The following RORA variants were observed in gnomAD, a reference collection of about 807,000 sequenced individuals.
RORA encodes RAR related orphan receptor A.
RORA carries 7 observed loss-of-function variants against 69.5 expected under a neutral mutation model. That is an observed-to-expected ratio of 0.10 (90% confidence interval 0.06 to 0.19). RORA has a LOEUF of 0.19. Among genes scored for constraint, RORA ranks in the 10% least tolerant of loss-of-function variants. RORA has a pLI of 1.00. For missense variants in RORA, 457 were observed against 663.0 expected (o/e 0.69, Z 3.41); for synonymous variants, 261 against 240.8 (o/e 1.08, Z -0.78).
chr15:60,552,738 ATCT>A (rs1331318491), intron 2 of RORA, among the ~76,000 whole-genome samples: 3 of 152,230 alleles, frequency 2.0e-5, no homozygotes, highest in African/African-American at 7.2e-5. Context: ...TGGGGCAGGC[ATCT>A]TCTTCTGAAC....
intron 1 of RORA, among the ~76,000 whole-genome samples, chr15:61,179,787 T>C (rs1189370042): frequency 6.6e-6 from 1 of 152,150 alleles, no homozygotes; most frequent in Admixed American, 6.5e-5. Context: ...TGGATAACCA[T>C]CTTCAGGTCC....
intron 3 of RORA, among the ~76,000 whole-genome samples, chr15:60,515,915 TTATATATATATTTA>T (rs1424019902): frequency 1.7e-4 from 13 of 75,806 alleles, no homozygotes; most frequent in African/African-American, 8.5e-4. Context: ...TATATTGTAT[TTATATATATATTTA>T]TATATATATT....
At chr15:60,662,406 G>T (rs946902737) in intron 2 of RORA, among the ~76,000 whole-genome samples, 1 of 152,120 alleles carries the variant, frequency 6.6e-6, no homozygotes, top group South Asian at 2.1e-4. Context: ...AAAGTAACAT[G>T]GAATATGTAT....
At chr15:60,830,526 A>G (rs967411760) in intron 1 of RORA, among the ~76,000 whole-genome samples, 2 of 152,200 alleles carry the variant, frequency 1.3e-5, no homozygotes, top group African/African-American at 4.8e-5. Flanking sequence ...AGGCAGATTT[A>G]TTGTCCTTAA....
rs1227117833 is a variant in RORA, at chr15:60,949,958, G to T, written c.167-271272C>A. Among the ~76,000 whole-genome samples the T allele has an allele frequency of 2.0e-5, 3 of 152,136 alleles. No individual in the cohort carries two copies. The East Asian group carries it at 5.8e-4, about 29-fold the overall frequency. On this transcript the variant is annotated intron_variant, in intron 1 of 10. Transcript: ENST00000335670. ...AGAGTCACTGGACATACTCAAAGAA[G>T]AACTTCCCACTCCAAGACACATAAT...
chr15:60,985,612 G>T (rs1425807821), intron 1 of RORA, among the ~76,000 whole-genome samples: 1 of 133,560 alleles, frequency 7.5e-6, no homozygotes, highest in Non-Finnish European at 1.6e-5. Context: ...TTGAGATGGG[G>T]TCTCACTCTG....
At chr15:61,201,957 A>T (rs1270604878) in intron 1 of RORA, among the ~76,000 whole-genome samples, 1 of 152,142 alleles carries the variant, frequency 6.6e-6, no homozygotes, top group Admixed American at 6.5e-5. Context: ...CTATATATGT[A>T]ATATGATATT....
chr15:60,562,432 G>GC (rs1029165196), intron 2 of RORA, among the ~76,000 whole-genome samples: 29 of 95,624 alleles, frequency 3.0e-4, no homozygotes, highest in Non-Finnish European at 4.2e-4. Context: ...AGGCGGGGTT[G>GC]GGGGGGGGTT....
At chr15:61,020,130 C>A (rs913228135) in intron 1 of RORA, among the ~76,000 whole-genome samples, 1 of 152,202 alleles carries the variant, frequency 6.6e-6, no homozygotes, top group Non-Finnish European at 1.5e-5. Flanking sequence ...CCTTCCAAAT[C>A]CTAATGTGGC....
Position 61,078,329 on chromosome 15 carries a change from CTGTGTGTGTGTGTGTGTG to C in RORA, c.166+150706_166+150723del, listed in dbSNP as rs56676588. Among the ~76,000 whole-genome samples, 10 of 133,254 alleles carry C rather than the reference CTGTGTGTGTGTGTGTGTG, an allele frequency of 7.5e-5. No individual in the cohort carries two copies. In the East Asian group the frequency reaches 1.9e-3, roughly 25 times the overall value. The allele number at this position is 133,254 out of a possible 152,430, so 87.4% of individuals were successfully genotyped here. On this transcript the variant is annotated intron_variant, in intron 1 of 10. Coordinates refer to ENST00000335670, the MANE Select transcript of RORA (RefSeq NM_134261.3). ...CAGGCACGTGCCACCACACCTGGCTCTGTGTGTGTGTGTGTGTGTGTGTGTGTGTGTGTGTGTGTGTGT... is the reference window on the plus strand; with the variant it reads ...CAGGCACGTGCCACCACACCTGGCTCTGTGTGTGTGTGTGTGTGTGTGTGT...
chr15:60,726,040 C>T (rs2071352849), intron 1 of RORA, among the ~76,000 whole-genome samples: 1 of 152,098 alleles, frequency 6.6e-6, no homozygotes, highest in East Asian at 1.9e-4. Flanking sequence ...ATTTACACAC[C>T]TGATTTCACT....
At chr15:60,592,647 G>T (rs1362961865) in intron 2 of RORA, 4 of 1,127,850 alleles carry the variant, frequency 3.5e-6, no homozygotes, top group Admixed American at 5.0e-5. Flanking sequence ...GGCGGGAGGC[G>T]GGAGGCGGGA....
At chr15:61,045,182 G>T (rs8034800) in intron 1 of RORA, among the ~76,000 whole-genome samples, 1 of 152,130 alleles carries the variant, frequency 6.6e-6, no homozygotes, top group African/African-American at 2.4e-5. Flanking sequence ...AATCATGGGG[G>T]TGGGTCTTTC....
At chr15:60,924,058 C>T (rs1372631350) in intron 1 of RORA, among the ~76,000 whole-genome samples, 5 of 152,184 alleles carry the variant, frequency 3.3e-5, no homozygotes, top group African/African-American at 1.2e-4. Flanking sequence ...GAAAACTTCC[C>T]AAGTGGGTGA....
chr15:60,579,546 C>T (rs1206455375), intron 2 of RORA, among the ~76,000 whole-genome samples: 1 of 152,098 alleles, frequency 6.6e-6, no homozygotes, highest in Non-Finnish European at 1.5e-5. Flanking sequence ...ATTTCATCAG[C>T]ATTTTCTCCT....
At chr15:60,835,828 T>C (rs902985238) in intron 1 of RORA, among the ~76,000 whole-genome samples, 2 of 152,256 alleles carry the variant, frequency 1.3e-5, no homozygotes, top group Admixed American at 1.3e-4. Context: ...GTCATTTGAT[T>C]CAACTCTAAA....
At chr15:60,596,899 CAT>C (rs1166353273) in intron 2 of RORA, among the ~76,000 whole-genome samples, 1 of 152,190 alleles carries the variant, frequency 6.6e-6, no homozygotes, top group Non-Finnish European at 1.5e-5. Context: ...CCCACACACA[CAT>C]ACACATATTT....
At chr15:61,197,916 G>A (rs956560116) in intron 1 of RORA, among the ~76,000 whole-genome samples, 8 of 152,122 alleles carry the variant, frequency 5.3e-5, no homozygotes, top group African/African-American at 1.9e-4. Flanking sequence ...AAGGGAGGCT[G>A]GAGAGTGGTA....
chr15:60,534,591 C>G lies in RORA; in HGVS notation c.197-2740G>C, dbSNP rs1391920025. On this transcript the variant is annotated intron_variant, in intron 2 of 10. Coordinates refer to ENST00000335670, the MANE Select transcript of RORA (RefSeq NM_134261.3). The surrounding 1 kb of genome is among the most constrained non-coding windows in gnomAD (Gnocchi z 5.0). Reference sequence around the variant, plus strand: ...TTGAAACAGGCTTCACCGGGAATCTCTCGGTAAGGTGGTAGAAGGGTTTCT... The same window carrying G: ...TTGAAACAGGCTTCACCGGGAATCTGTCGGTAAGGTGGTAGAAGGGTTTCT... 1.3e-5 allele frequency among the ~76,000 whole-genome samples: 2 copies of G among 152,094 alleles called. No individual in the cohort carries two copies. The highest frequency in any genetic ancestry group is 6.5e-5 in the Admixed American group (1 of 15,274).
Sources: gnomAD v4.1 joint callset for allele counts (sites outside exome capture counted in the v4.1 genomes callset) on GRCh38, gnomAD v4.1.1 for gene constraint, Gnocchi (gnomAD v3.1) non-coding constraint, MANE v1.5 for transcripts, NCBI Gene and HGNC (gene_info 2026-07-23, HGNC 2026-07-21) for gene names.